TMEM65: variants seen among roughly 807,000 people sequenced by gnomAD.
TMEM65 encodes the protein transmembrane protein 65.
Under a neutral mutation model 25.4 loss-of-function variants are expected in TMEM65, and 22 were observed. The observed-to-expected ratio is 0.86, with a 90% CI of 0.62 to 1.23. The LOEUF is 1.23. Ranked by LOEUF, TMEM65 falls within the 50% of genes most tolerant of loss-of-function variation. TMEM65 has a pLI of 0.00. For missense variants in TMEM65, 262 were observed against 308.2 expected, an observed-to-expected ratio of 0.85 and a Z score of 1.12; for synonymous variants, 132 against 126.2, an observed-to-expected ratio of 1.05 and a Z score of -0.31.
intron 3 of TMEM65, among the ~76,000 whole-genome samples, chr8:124,326,731 T>C (rs1346273260): frequency 1.3e-5 from 2 of 152,088 alleles, no homozygotes; most frequent in Non-Finnish European, 2.9e-5. Flanking sequence ...CTAATATTGG[T>C]ATCCATTAGC....
chr8:124,316,809 G>A (rs979937623), intron 6 of TMEM65, among the ~76,000 whole-genome samples: 3 of 152,120 alleles, frequency 2.0e-5, no homozygotes, highest in Admixed American at 6.5e-5. Flanking sequence ...AACTCCAGCT[G>A]GTATCAGGGG....
intron 3 of TMEM65, among the ~76,000 whole-genome samples, chr8:124,326,215 T>C (rs1814364160): frequency 6.6e-6 from 1 of 152,062 alleles, no homozygotes; most frequent in Non-Finnish European, 1.5e-5. Context: ...AAACTGGTAT[T>C]CAAAGTATAT....
intron 5 of TMEM65, 103 bp from the exon 6 acceptor site, chr8:124,320,294 T>C: frequency 1.3e-6 from 1 of 771,118 alleles, no homozygotes; most frequent in Non-Finnish European, 2.0e-6. Context: ...ATATAGGTTT[T>C]TAAAAAGACA....
chr8:124,316,102 G>C (rs966184593), intron 6 of TMEM65, among the ~76,000 whole-genome samples: 8 of 152,092 alleles, frequency 5.3e-5, no homozygotes, highest in African/African-American at 1.9e-4. Context: ...TATCTCAAGA[G>C]ATATAATGTC....
At chr8:124,364,577 A>G (rs570097808) in intron 1 of TMEM65, among the ~76,000 whole-genome samples, 2 of 152,306 alleles carry the variant, frequency 1.3e-5, no homozygotes, top group South Asian at 4.1e-4. Flanking sequence ...TGCTCATTAT[A>G]TTTTTACTAA....
At chr8:124,371,520 G>T (rs1815011214) in intron 1 of TMEM65, among the ~76,000 whole-genome samples, 1 of 152,268 alleles carries the variant, frequency 6.6e-6, no homozygotes, top group Non-Finnish European at 1.5e-5. Flanking sequence ...GGCTGGGGAG[G>T]GGAGGCACGG....
intron 1 of TMEM65, among the ~76,000 whole-genome samples, chr8:124,342,089 G>A (rs1169390179): frequency 1.3e-5 from 2 of 151,958 alleles, no homozygotes; most frequent in East Asian, 3.9e-4. Context: ...CATCATTCTA[G>A]TTATTATATT....
At chr8:124,354,038 A>G (rs962157641) in intron 1 of TMEM65, among the ~76,000 whole-genome samples, 7 of 152,176 alleles carry the variant, frequency 4.6e-5, no homozygotes, top group African/African-American at 1.7e-4. Flanking sequence ...TATAACATCA[A>G]TCCTGTGATA....
At chr8:124,347,780 T>A (rs977694041) in intron 1 of TMEM65, among the ~76,000 whole-genome samples, 3 of 152,126 alleles carry the variant, frequency 2.0e-5, no homozygotes, top group Non-Finnish European at 4.4e-5. Flanking sequence ...CAAAGTAAAC[T>A]ATAGTATTCA....
intron 1 of TMEM65, among the ~76,000 whole-genome samples, chr8:124,359,996 C>T (rs755613119): frequency 5.3e-5 from 8 of 152,258 alleles, no homozygotes; most frequent in Non-Finnish European, 8.8e-5. Flanking sequence ...GGCCTTCACC[C>T]TAAACTCAAT....
At chr8:124,339,249 A>ATG (rs1814557141) in intron 1 of TMEM65, among the ~76,000 whole-genome samples, 1 of 119,602 alleles carries the variant, frequency 8.4e-6, no homozygotes, top group Non-Finnish European at 1.6e-5. Flanking sequence ...ATATATATAT[A>ATG]AAATATTCTT....
chr8:124,316,144 T>G (rs990616949), intron 6 of TMEM65, among the ~76,000 whole-genome samples: 1 of 152,202 alleles, frequency 6.6e-6, no homozygotes, highest in African/African-American at 2.4e-5. Context: ...AAAAGTGATA[T>G]ACTTTTCTCA....
In TMEM65 at chr8:124,333,733, G is replaced by C. The variant is rs529387902; in HGVS notation, c.305-2941C>G. Among the ~76,000 whole-genome samples, 7 of 152,242 alleles carry C rather than the reference G, an allele frequency of 4.6e-5. No individual in the cohort carries two copies. In the East Asian group the frequency reaches 1.4e-3, roughly 29 times the overall value. ...AAATTATTGAAACCAGGTTGATCTA[G>C]AGGGGAATCAACACAGAAAAAGAAA... On this transcript the variant is annotated intron_variant, in intron 1 of 6. Transcript: ENST00000297632.
chr8:124,331,358 T>C (rs1033043690), intron 1 of TMEM65, among the ~76,000 whole-genome samples: 8 of 148,124 alleles, frequency 5.4e-5, no homozygotes, highest in Admixed American at 2.0e-4. Flanking sequence ...TATAATATAT[T>C]AATAGTATTA....
At chr8:124,350,023 C>T (rs1347976024) in intron 1 of TMEM65, among the ~76,000 whole-genome samples, 1 of 151,968 alleles carries the variant, frequency 6.6e-6, no homozygotes, top group East Asian at 1.9e-4. Flanking sequence ...AAATGTTTAA[C>T]TTCTACATGC....
chr8:124,338,363 C>T (rs1814537401), intron 1 of TMEM65, among the ~76,000 whole-genome samples: 1 of 151,880 alleles, frequency 6.6e-6, no homozygotes, highest in Admixed American at 6.6e-5. Context: ...CTATAAGTGG[C>T]ATTACTGAAC....
chr8:124,307,890 A>G lies in TMEM65; in HGVS notation c.*6070T>C, dbSNP rs957281557. 11 of 152,230 alleles carry G rather than the reference A, an allele frequency of 7.2e-5. No individual in the cohort carries two copies. The highest frequency in any genetic ancestry group is 1.3e-4 in the Non-Finnish European group (9 of 68,050). 9.4% of individuals were successfully genotyped at this position (152,230 alleles called of 1,614,324 possible). On this transcript the variant is annotated 3_prime_UTR_variant, in exon 7 of 7. Coordinates refer to ENST00000297632, the MANE Select transcript of TMEM65 (RefSeq NM_194291.3). The stretch of plus-strand genomic sequence containing the variant: ...TATTATGGAAAAATAATAATATGCC[A>G]CAAAGAACATTTATTAGTAAAGAAG...
chr8:124,359,037 C>A (rs1029588113), intron 1 of TMEM65, among the ~76,000 whole-genome samples: 10 of 152,188 alleles, frequency 6.6e-5, no homozygotes, highest in African/African-American at 2.4e-4. Flanking sequence ...AGTTAGAGGC[C>A]TCAGATGTCT....
chr8:124,316,980 C>T (rs1814245259), intron 6 of TMEM65, among the ~76,000 whole-genome samples: 1 of 152,130 alleles, frequency 6.6e-6, no homozygotes, highest in East Asian at 1.9e-4. Context: ...CACACTCTTC[C>T]TACATTTTGA....
Sources: gnomAD v4.1 joint callset for allele counts (sites outside exome capture counted in the v4.1 genomes callset) on GRCh38, gnomAD v4.1.1 for gene constraint, MANE v1.5 for transcripts, NCBI Gene and HGNC (gene_info 2026-07-23, HGNC 2026-07-21) for gene names.